The following CPXM2 variants were observed in gnomAD, a reference collection of about 807,000 sequenced individuals.
CPXM2 encodes inactive carboxypeptidase-like protein X2.
CPXM2 carries 66 observed loss-of-function variants against 86.1 expected under a neutral mutation model. The observed-to-expected ratio is 0.77, with a 90% confidence interval of 0.63 to 0.94. The LOEUF (loss-of-function observed/expected upper bound fraction) is 0.94. Among genes scored for constraint, CPXM2 ranks in the 40% least tolerant of loss-of-function variants. The probability of loss-of-function intolerance (pLI) is 0.00; values close to 1 mark genes in which losing one functional copy is unlikely to be tolerated. For missense variants in CPXM2, 948 were observed against 1,026.3 expected (o/e 0.92, Z 1.04); for synonymous variants, 388 against 400.2 (o/e 0.97, Z 0.36).
chr10:123,858,931 G>A (rs376533237), intron 3 of CPXM2, among the ~76,000 whole-genome samples: 14 of 152,344 alleles, frequency 9.2e-5, no homozygotes, highest in African/African-American at 3.1e-4. Context: ...CCATGACGGA[G>A]GAAGAGCCAG....
In CPXM2 at chr10:123,791,721, A is replaced by G. The variant is rs74162937; in HGVS notation, c.889+6255T>C. Among the ~76,000 whole-genome samples the G allele has an allele frequency of 2.6e-3, 389 of 152,310 alleles. 2 individuals carry two copies. The highest frequency in any genetic ancestry group is 9.2e-3 in the African/African-American group (381 of 41,560). On this transcript the variant is annotated intron_variant, in intron 6 of 13. Transcript: ENST00000241305. ...CTGTTTCTAAATAAGATCACATCCA[A>G]GGTTGTAGGGGGACCTCCTCTTGAT...
intron 4 of CPXM2, among the ~76,000 whole-genome samples, chr10:123,801,904 C>T (rs1275384806): frequency 6.6e-6 from 1 of 152,222 alleles, no homozygotes; most frequent in Non-Finnish European, 1.5e-5. Flanking sequence ...AAAAGCTAGT[C>T]TTAACCCTTC....
chr10:123,790,649 A>G (rs2134050716), intron 6 of CPXM2, among the ~76,000 whole-genome samples: 1 of 152,184 alleles, frequency 6.6e-6, no homozygotes, highest in Admixed American at 6.5e-5. Context: ...GGCCAATCCC[A>G]CCTCAGCTGA....
At chr10:123,823,475 C>T (rs938001065) in intron 4 of CPXM2, among the ~76,000 whole-genome samples, 1 of 152,098 alleles carries the variant, frequency 6.6e-6, no homozygotes, top group Non-Finnish European at 1.5e-5. Context: ...GTGATTATTA[C>T]CTCCAGTAAA....
intron 4 of CPXM2, among the ~76,000 whole-genome samples, chr10:123,818,128 G>A (rs1426267169): frequency 1.3e-5 from 2 of 152,208 alleles, no homozygotes. Flanking sequence ...TGTATCCTAT[G>A]TGAGTGTTCA....
intron 4 of CPXM2, among the ~76,000 whole-genome samples, chr10:123,804,345 G>A (rs984954163): frequency 6.6e-6 from 1 of 152,138 alleles, no homozygotes; most frequent in Non-Finnish European, 1.5e-5. Context: ...TGGGGGAACT[G>A]ACCTCTTTAC....
intron 4 of CPXM2, among the ~76,000 whole-genome samples, chr10:123,815,893 T>A (rs1262797391): frequency 6.6e-6 from 1 of 152,132 alleles, no homozygotes; most frequent in African/African-American, 2.4e-5. Flanking sequence ...GTGGAAGGAA[T>A]GTAGAGTTGG....
intron 4 of CPXM2, among the ~76,000 whole-genome samples, chr10:123,800,871 C>A (rs1021015835): frequency 1.3e-5 from 2 of 152,138 alleles, no homozygotes; most frequent in Non-Finnish European, 2.9e-5. Flanking sequence ...AACTGCAAAG[C>A]TACATCATAT....
At chr10:123,771,377 T>C (rs985970780) in intron 7 of CPXM2, among the ~76,000 whole-genome samples, 6 of 152,096 alleles carry the variant, frequency 3.9e-5, no homozygotes, top group African/African-American at 1.4e-4. Context: ...TCAAAATCCA[T>C]AGGCTGAAAC....
At chr10:123,903,861 G>A (rs946449475) in intron 2 of CPXM2, among the ~76,000 whole-genome samples, 2 of 152,236 alleles carry the variant, frequency 1.3e-5, no homozygotes, top group Admixed American at 6.5e-5. Flanking sequence ...AGGCGTAGCT[G>A]TAACCTGACA....
upstream of CPXM2, among the ~76,000 whole-genome samples, chr10:123,942,719 G>A (rs1241795129): frequency 1.3e-5 from 2 of 152,162 alleles, no homozygotes; most frequent in African/African-American, 2.4e-5. Flanking sequence ...CCTCAGGAGG[G>A]CTCTCACTAT....
Position 123,754,908 on chromosome 10 carries a change from C to A in CPXM2, c.1918-146G>T. ...ACGTCTTGCTCAGAAGGCTTGGAAC[C>A]GAAAAGCAGTTCATTGCTCACTGCA... On this transcript the variant is annotated intron_variant, in intron 12 of 13. Coordinates refer to ENST00000241305, the MANE Select transcript of CPXM2 (RefSeq NM_198148.3). This position sits in a 1 kb window ranked among gnomAD's most constrained non-coding sequence, Gnocchi z 4.0. 1 of 635,692 alleles carries A rather than the reference C, an allele frequency of 1.6e-6. No homozygotes were observed. The highest frequency in any genetic ancestry group is 2.9e-6 in the Non-Finnish European group (1 of 350,834). The allele number at this position is 635,692 out of a possible 1,614,324, so 39.4% of individuals were successfully genotyped here. A position where few individuals can be genotyped will look rare whatever the true frequency, so the allele number is the denominator to read the frequency against.
intron 6 of CPXM2, among the ~76,000 whole-genome samples, chr10:123,788,294 A>G (rs971142267): frequency 2.6e-5 from 4 of 151,840 alleles, no homozygotes; most frequent in African/African-American, 4.8e-5. Context: ...AAAAAAAAAA[A>G]AAAGAAAAGA....
chr10:123,858,379 G>A (rs756797022), intron 3 of CPXM2, among the ~76,000 whole-genome samples: 4 of 152,348 alleles, frequency 2.6e-5, no homozygotes, highest in African/African-American at 4.8e-5. Flanking sequence ...AGCATTTGGC[G>A]AGGGTGCAGA....
intron 2 of CPXM2, among the ~76,000 whole-genome samples, chr10:123,929,596 A>G (rs1396493722): frequency 2.6e-5 from 4 of 152,198 alleles, no homozygotes; most frequent in African/African-American, 9.6e-5. Context: ...ATCCCAGTGT[A>G]GAGTGGGTGC....
intron 2 of CPXM2, among the ~76,000 whole-genome samples, chr10:123,934,333 G>A (rs911885137): frequency 5.3e-5 from 8 of 152,112 alleles, no homozygotes; most frequent in African/African-American, 1.9e-4. Flanking sequence ...GAGACCATAG[G>A]TGGGGATCTG....
At chr10:123,768,499 T>C (rs978689560) in intron 9 of CPXM2, 27 bp downstream of exon 9, 3 of 1,589,602 alleles carry the variant, frequency 1.9e-6, no homozygotes, top group Non-Finnish European at 1.7e-6. Flanking sequence ...CCATGTCCTA[T>C]TGGGTGAGAT....
chr10:123,831,918 A>C (rs1298327752), intron 4 of CPXM2, among the ~76,000 whole-genome samples: 4 of 137,934 alleles, frequency 2.9e-5, no homozygotes, highest in Non-Finnish European at 6.2e-5. Flanking sequence ...GCATTAAGAT[A>C]ATGACATCCT....
At position 123,757,198 on chromosome 10, in the gene CPXM2, A is replaced by G. The variant is rs1846233604; in HGVS notation, c.1917+15T>C. On this transcript the variant is annotated intron_variant, in intron 12 of 13. Transcript: ENST00000241305. ...AGCTAGTCCCCCTCATCCCAGCCAC[A>G]CACCCGCAATATACCTGCTCCATGA... 2 of 1,611,518 alleles carry G rather than the reference A, an allele frequency of 1.2e-6. No homozygotes were observed. Among genetic ancestry groups the G allele is most frequent in the East Asian group, 2.2e-5 (1 of 44,838 alleles).
Sources: allele counts gnomAD v4.1 joint callset (sites outside exome capture counted in the v4.1 genomes callset), GRCh38; gene constraint gnomAD v4.1.1; non-coding constraint Gnocchi (gnomAD v3.1); transcripts MANE v1.5; gene names NCBI Gene and HGNC (gene_info 2026-07-23, HGNC 2026-07-21).